Variants in RYR3 observed in about 807,000 individuals in gnomAD.
RYR3 encodes brain ryanodine receptor-calcium release channel.
RYR3 carries 207 observed loss-of-function variants against 584.3 expected under a neutral mutation model. That is an observed-to-expected ratio of 0.35 (90% CI 0.32 to 0.40). The LOEUF (loss-of-function observed/expected upper bound fraction) is 0.40, where lower values mean the gene tolerates loss of function less well. RYR3 is among the 10% of genes least tolerant of loss of function. The probability of loss-of-function intolerance (pLI) is 1.00; values close to 1 mark genes in which losing one functional copy is unlikely to be tolerated. For synonymous variants in RYR3, 2,416 were observed against 2,248.5 expected (o/e 1.07, Z -2.11); for missense variants, 5,616 against 6,089.2 (o/e 0.92, Z 2.59).
At chr15:33,321,337 C>T (rs1332195851) in intron 1 of RYR3, among the ~76,000 whole-genome samples, 2 of 152,354 alleles carry the variant, frequency 1.3e-5, no homozygotes, top group East Asian at 3.9e-4. Context: ...TTGCTACATA[C>T]TTCACTGCCC....
intron 16 of RYR3, among the ~76,000 whole-genome samples, chr15:33,590,113 G>A (rs973118622): frequency 2.6e-5 from 4 of 152,160 alleles, no homozygotes; most frequent in African/African-American, 4.8e-5. Flanking sequence ...AAGGTGCTCC[G>A]TGGGGGAGCT....
At chr15:33,635,853 A>C (rs1179682069) in intron 26 of RYR3, 34 bp downstream of exon 26, 1 of 1,564,660 alleles carries the variant, frequency 6.4e-7, no homozygotes, top group Non-Finnish European at 8.7e-7. Context: ...ACCCATCCTC[A>C]GACCAAGTTT....
At chr15:33,417,529 T>C (rs751208280) in intron 1 of RYR3, among the ~76,000 whole-genome samples, 6 of 152,166 alleles carry the variant, frequency 3.9e-5, no homozygotes, top group Non-Finnish European at 5.9e-5. Context: ...TTTTTGTACA[T>C]TGATTTTTGT....
At chr15:33,382,318 G>GTTTTTTTT (rs1567133176) in intron 1 of RYR3, among the ~76,000 whole-genome samples, 4 of 103,262 alleles carry the variant, frequency 3.9e-5, no homozygotes, top group African/African-American at 1.9e-4. Context: ...TTTAAAAGTG[G>GTTTTTTTT]CTTTTTTTTT....
intron 60 of RYR3, among the ~76,000 whole-genome samples, chr15:33,764,515 G>A (rs1204755147): frequency 2.6e-5 from 4 of 151,682 alleles, no homozygotes; most frequent in South Asian, 4.2e-4. Context: ...ACCATGGCGC[G>A]TGTATACCTA....
At chr15:33,534,381 A>G (rs2055145936) in intron 5 of RYR3, among the ~76,000 whole-genome samples, 1 of 152,244 alleles carries the variant, frequency 6.6e-6, no homozygotes, top group Non-Finnish European at 1.5e-5. Flanking sequence ...AGCCTGGGGG[A>G]GAAGAGCGAG....
rs765219197 is a variant in RYR3, at chr15:33,701,094, G to A, written c.6483+14G>A. The A allele has an allele frequency of 6.3e-7, 1 of 1,586,092 alleles. No individual in the cohort carries two copies. Among genetic ancestry groups the A allele is most frequent in the East Asian group, 2.2e-5 (1 of 44,634 alleles). On this transcript the variant is annotated intron_variant, in intron 42 of 103. Coordinates refer to ENST00000634891, the MANE Select transcript of RYR3 (RefSeq NM_001036.6). The stretch of plus-strand genomic sequence containing the variant: ...GACCTCGAGAAGGTAACCGGCCCTT[G>A]GGGTGGCAGTGTGGTGTTCTCTTCG...
intron 96 of RYR3, 78 bp from the exon 97 acceptor site, chr15:33,854,311 A>G: frequency 1.7e-6 from 2 of 1,200,322 alleles, no homozygotes; most frequent in South Asian, 1.4e-5. Flanking sequence ...GAGAGAAAAA[A>G]CTTACTTTTT....
chr15:33,623,313 T>G (rs1016819475), intron 19 of RYR3, among the ~76,000 whole-genome samples: 4 of 152,222 alleles, frequency 2.6e-5, no homozygotes, highest in African/African-American at 9.6e-5. Flanking sequence ...CTGATGTTAC[T>G]TAGTCTTTTC....
In RYR3 at chr15:33,652,607, A is replaced by G. The variant is rs1308079903; in HGVS notation, c.4143-111A>G. The G allele has an allele frequency of 2.7e-6, 3 of 1,123,442 alleles. No homozygotes were observed. The African/African-American group carries it at 4.8e-5, about 18-fold the overall frequency. 69.6% of individuals were successfully genotyped at this position (1,123,442 alleles called of 1,614,324 possible). On this transcript the variant is annotated intron_variant, in intron 31 of 103. Transcript: ENST00000634891. ...AAAAAGTATTTGGGGCTGAACAGAA[A>G]GCTTCCTAGGAAAGTTTCTGTAGCC...
chr15:33,505,176 C>T (rs893949497), intron 3 of RYR3, among the ~76,000 whole-genome samples: 3 of 152,176 alleles, frequency 2.0e-5, no homozygotes, highest in African/African-American at 7.2e-5. Context: ...TCAAGAGAAT[C>T]GATGTTTACA....
intron 28 of RYR3, among the ~76,000 whole-genome samples, chr15:33,645,997 G>T (rs1289849361): frequency 6.6e-6 from 1 of 152,154 alleles, no homozygotes; most frequent in Non-Finnish European, 1.5e-5. Flanking sequence ...TCCTTGGAAA[G>T]ATTATCTTCT....
At chr15:33,696,786 T>C (rs1203259294) in intron 39 of RYR3, among the ~76,000 whole-genome samples, 1 of 152,106 alleles carries the variant, frequency 6.6e-6, no homozygotes, top group Non-Finnish European at 1.5e-5. Flanking sequence ...GGACGGTGTG[T>C]TCAACCCAAG....
chr15:33,353,760 C>G lies in RYR3; in HGVS notation c.51+42664C>G, dbSNP rs537112260. Among the ~76,000 whole-genome samples the G allele has an allele frequency of 3.3e-5, 5 of 152,186 alleles. No homozygotes were observed. In the South Asian group the frequency reaches 8.3e-4, roughly 25 times the overall value. Reference sequence around the variant, plus strand: ...GAGCAGTTTTCCCTCAATTAACAGACAGTCTAATGGTGATTTTTTTTTCAG... The same window carrying G: ...GAGCAGTTTTCCCTCAATTAACAGAGAGTCTAATGGTGATTTTTTTTTCAG... On this transcript the variant is annotated intron_variant, in intron 1 of 103. Coordinates refer to ENST00000634891, the MANE Select transcript of RYR3 (RefSeq NM_001036.6).
At chr15:33,321,933 A>G (rs1414224005) in intron 1 of RYR3, among the ~76,000 whole-genome samples, 1 of 152,208 alleles carries the variant, frequency 6.6e-6, no homozygotes, top group Non-Finnish European at 1.5e-5. Context: ...ACTAATTCAC[A>G]GAGAAGGGGT....
intron 42 of RYR3, among the ~76,000 whole-genome samples, chr15:33,704,073 C>G (rs1213127358): frequency 6.6e-6 from 1 of 152,034 alleles, no homozygotes; most frequent in Non-Finnish European, 1.5e-5. Context: ...AGTTCAAGAC[C>G]AGTCTGGCCA....
chr15:33,494,963 A>G (rs536984019), intron 2 of RYR3, among the ~76,000 whole-genome samples: 1 of 152,360 alleles, frequency 6.6e-6, no homozygotes, highest in African/African-American at 2.4e-5. Context: ...CATGTGGTCC[A>G]TAATTGAAAC....
chr15:33,848,935 A>T (rs907134223), intron 94 of RYR3: 2 of 141,348 alleles, frequency 1.4e-5, no homozygotes, highest in African/African-American at 5.4e-5. Context: ...TCCCGGGTTC[A>T]CGCCATTCTC....
Position 33,812,975 on chromosome 15 carries a change from C to G in RYR3, c.10370C>G (p.Ala3457Gly). 6.2e-7 allele frequency: 1 copy of G among 1,613,994 alleles called. No individual in the cohort carries two copies. Among genetic ancestry groups the G allele is most frequent in the East Asian group, 2.2e-5 (1 of 44,880 alleles). Residue 3457 changes from alanine to glycine, a missense_variant, in exon 73 of 104, where the codon GCT becomes GGT. By Grantham distance (60) the Ala-to-Gly change is moderately conservative. Around this residue, in one of 9 missense-constraint regions of RYR3, gnomAD observed 954 missense variants for 1,132.2 expected, o/e 0.84. Coordinates refer to ENST00000634891, the MANE Select transcript of RYR3 (RefSeq NM_001036.6). ...GAGCGTGTGCAGAGAATTTCAGCAG[C>G]TGTCTTCCACCTGGAACAGGTAAGG... The part of the protein sequence containing the change: ...TVERVQRISA[A>G]VFHLEQVEQP...
Sources: gnomAD v4.1 joint callset for allele counts (sites outside exome capture counted in the v4.1 genomes callset) on GRCh38, gnomAD v4.1.1 for gene constraint, gnomAD v4.1.1 regional missense constraint, MANE v1.5 for transcripts, NCBI Gene and HGNC (gene_info 2026-07-23, HGNC 2026-07-21) for gene names.